The following GMDS variants were observed in gnomAD, a reference collection of about 807,000 sequenced individuals.
GMDS encodes GDP-mannose 4,6-dehydratase.
Under a neutral mutation model 49.9 loss-of-function variants are expected in GMDS, and 20 were observed. That is an observed-to-expected ratio of 0.40 (90% CI 0.28 to 0.58). The LOEUF (loss-of-function observed/expected upper bound fraction) is 0.58. Ranked by LOEUF, GMDS falls within the 20% of genes least tolerant of loss-of-function variation. The probability of loss-of-function intolerance (pLI) is 0.42; values close to 1 mark genes in which losing one functional copy is unlikely to be tolerated. For missense variants in GMDS, 362 were observed against 481.4 expected (o/e 0.75, Z 2.32); for synonymous variants, 177 against 178.6 (o/e 0.99, Z 0.07).
chr6:2,191,496 T>A lies in GMDS; in HGVS notation c.102+53825A>T, dbSNP rs1427817397. On this transcript the variant is annotated intron_variant, in intron 1 of 10. Coordinates refer to ENST00000380815, the MANE Select transcript of GMDS (RefSeq NM_001500.4). This position sits in a 1 kb window ranked among gnomAD's most constrained non-coding sequence, Gnocchi z 4.6. ...CCAGGTGGGGCTGTGGACCCGGGCC[T>A]CTCTGCACTCTTGGGGGCCCTGGAA... Among the ~76,000 whole-genome samples the A allele has an allele frequency of 6.6e-6, 1 of 152,172 alleles. No individual in the cohort carries two copies. Among genetic ancestry groups the A allele is most frequent in the Non-Finnish European group, 1.5e-5 (1 of 68,018 alleles).
chr6:1,764,252 CATG>C (rs1363849874), intron 7 of GMDS, among the ~76,000 whole-genome samples: 3 of 152,098 alleles, frequency 2.0e-5, no homozygotes, highest in African/African-American at 7.2e-5. Context: ...AATACGAAAA[CATG>C]CACTCAAAAC....
intron 7 of GMDS, among the ~76,000 whole-genome samples, chr6:1,755,003 T>C (rs1478187647): frequency 6.6e-6 from 1 of 152,202 alleles, no homozygotes; most frequent in Admixed American, 6.5e-5. Context: ...CACCACTTCT[T>C]TTCAACATAG....
At chr6:2,188,286 T>C (rs1204572634) in intron 1 of GMDS, among the ~76,000 whole-genome samples, 3 of 152,188 alleles carry the variant, frequency 2.0e-5, no homozygotes, top group African/African-American at 7.2e-5. Flanking sequence ...GGCCAAAAAA[T>C]AATTTTAGCT....
At chr6:2,077,463 C>T (rs1201158541) in intron 4 of GMDS, among the ~76,000 whole-genome samples, 1 of 151,954 alleles carries the variant, frequency 6.6e-6, no homozygotes, top group Non-Finnish European at 1.5e-5. Flanking sequence ...TCTTCTATGC[C>T]ATATTTGCTG....
intron 7 of GMDS, among the ~76,000 whole-genome samples, chr6:1,758,946 G>A (rs1461449041): frequency 1.3e-5 from 2 of 152,036 alleles, no homozygotes; most frequent in African/African-American, 2.4e-5. Context: ...TTTTTGACAC[G>A]GAGTCTCACT....
intron 9 of GMDS, among the ~76,000 whole-genome samples, chr6:1,664,056 T>C (rs918069405): frequency 3.3e-5 from 5 of 152,220 alleles, no homozygotes; most frequent in African/African-American, 9.7e-5. Context: ...ATAAATCACA[T>C]GCATGCCCCG....
chr6:2,195,619 T>G, intron 1 of GMDS, among the ~76,000 whole-genome samples: 1 of 152,202 alleles, frequency 6.6e-6, no homozygotes, highest in East Asian at 1.9e-4. Flanking sequence ...AATTACATGT[T>G]GATTTCTTAG....
intron 1 of GMDS, among the ~76,000 whole-genome samples, chr6:2,127,238 T>C (rs1775500279): frequency 6.6e-6 from 1 of 152,182 alleles, no homozygotes; most frequent in Non-Finnish European, 1.5e-5. Flanking sequence ...AGAAAAATAT[T>C]TGCAATAAGA....
intron 9 of GMDS, among the ~76,000 whole-genome samples, chr6:1,668,208 T>C (rs755215576): frequency 8.5e-5 from 13 of 152,246 alleles, no homozygotes; most frequent in Non-Finnish European, 1.0e-4. Flanking sequence ...AAAAAGTTTA[T>C]TCAGTTACTT....
chr6:1,805,439 C>T (rs1400903055), intron 7 of GMDS, among the ~76,000 whole-genome samples: 1 of 152,190 alleles, frequency 6.6e-6, no homozygotes, highest in African/African-American at 2.4e-5. Flanking sequence ...TCTAACAGTA[C>T]AGGGCAGCAG....
At chr6:1,653,640 A>G (rs917685617) in intron 9 of GMDS, among the ~76,000 whole-genome samples, 6 of 152,244 alleles carry the variant, frequency 3.9e-5, no homozygotes, top group Non-Finnish European at 8.8e-5. Context: ...ACCCAGATGT[A>G]AACCCTAATA....
chr6:1,987,563 T>C (rs556102603), intron 4 of GMDS, among the ~76,000 whole-genome samples: 21 of 152,318 alleles, frequency 1.4e-4, no homozygotes, highest in Middle Eastern at 6.8e-3. Flanking sequence ...CCCTGCCTTT[T>C]AGAGCTTACA....
chr6:2,231,243 T>C (rs565273051), intron 1 of GMDS, among the ~76,000 whole-genome samples: 1 of 152,142 alleles, frequency 6.6e-6, no homozygotes, highest in Admixed American at 6.5e-5. Context: ...GTTCTGCTAG[T>C]ATATTCTTTG....
chr6:1,702,191 C>T (rs1172284365), intron 9 of GMDS, among the ~76,000 whole-genome samples: 1 of 152,260 alleles, frequency 6.6e-6, no homozygotes, highest in Non-Finnish European at 1.5e-5. Flanking sequence ...TGGACTCCGA[C>T]TCTTCGTAAA....
rs77848675 is a variant in GMDS at position 1,871,223 on chromosome 6, G to A, written c.771+58880C>T. Among the ~76,000 whole-genome samples, 805 of 152,244 alleles carry A rather than the reference G, an allele frequency of 5.3e-3. 11 individuals are homozygous for A. Among genetic ancestry groups the A allele is most frequent in the African/African-American group, 0.018 (731 of 41,522 alleles). On this transcript the variant is annotated intron_variant, in intron 7 of 10. Coordinates refer to ENST00000380815, the MANE Select transcript of GMDS (RefSeq NM_001500.4). ...AGCTGGGACCTGTTTGTGACTTCTC[G>A]GCCTCACTGTTTGAGACGTTCTGGC...
chr6:1,742,593 G>A lies in GMDS; in HGVS notation c.772-7C>T. ...GCAACATCAACCACATAGCCTAGAG[G>A]GAAAGAGAGGCAAGTTCACTTTGAA... On this transcript the variant is annotated splice_region_variant and splice_polypyrimidine_tract_variant and intron_variant, in intron 7 of 10. Transcript: ENST00000380815. 5 of 1,481,186 alleles carry A rather than the reference G, an allele frequency of 3.4e-6. No homozygotes were observed. Among genetic ancestry groups the A allele is most frequent in the Non-Finnish European group, 4.7e-6 (5 of 1,061,672 alleles). The allele number at this position is 1,481,186 out of a possible 1,614,324, so 91.8% of individuals were successfully genotyped here.
chr6:2,079,643 C>T (rs190829638), intron 4 of GMDS, among the ~76,000 whole-genome samples: 4 of 152,190 alleles, frequency 2.6e-5, no homozygotes, highest in African/African-American at 9.6e-5. Flanking sequence ...TCTTTCCTGG[C>T]TTGTAAGGTT....
intron 9 of GMDS, among the ~76,000 whole-genome samples, chr6:1,644,374 C>T (rs958891960): frequency 1.3e-5 from 2 of 152,322 alleles, no homozygotes; most frequent in South Asian, 2.1e-4. Context: ...GCCTTCCTGC[C>T]TTCCTGTTGG....
intron 4 of GMDS, among the ~76,000 whole-genome samples, chr6:2,085,802 C>G (rs367987961): frequency 6.6e-6 from 1 of 152,162 alleles, no homozygotes; most frequent in Non-Finnish European, 1.5e-5. Context: ...TGCTGGATTA[C>G]AGGCGTGAGT....
Sources: gnomAD v4.1 joint callset for allele counts (sites outside exome capture counted in the v4.1 genomes callset) on GRCh38, gnomAD v4.1.1 for gene constraint, Gnocchi (gnomAD v3.1) non-coding constraint, MANE v1.5 for transcripts, NCBI Gene and HGNC (gene_info 2026-07-23, HGNC 2026-07-21) for gene names.